CDH13: variants seen among roughly 807,000 people sequenced by gnomAD.
The protein encoded by CDH13 is cadherin-13.
Under a neutral mutation model 63.8 loss-of-function variants are expected in CDH13, and 24 were observed. The observed-to-expected ratio is 0.38, with a 90% CI of 0.27 to 0.53. The LOEUF is 0.53. Ranked by LOEUF, CDH13 falls within the 20% of genes least tolerant of loss-of-function variation. The pLI, the probability that CDH13 is intolerant of heterozygous loss-of-function variation, is 0.85. For synonymous variants in CDH13, 503 were observed against 355.3 expected (o/e 1.42, Z -4.67); for missense variants, 1,049 against 903.1 (o/e 1.16, Z -2.07).
In CDH13 at chr16:83,047,511, C is replaced by T. The variant is rs1043974695; in HGVS notation, c.366+15293C>T. ...AGGCCTTTGCGTAATATTTTCTCTG[C>T]ATGGAAGGGGAGGATAAGAAAGAAG... On this transcript the variant is annotated intron_variant, in intron 3 of 13. Transcript: ENST00000567109. The surrounding 1 kb of genome is among the most constrained non-coding windows in gnomAD (Gnocchi z 4.9). 6.6e-6 allele frequency among the ~76,000 whole-genome samples: 1 copy of T among 152,048 alleles called. No homozygotes were observed. Among genetic ancestry groups the T allele is most frequent in the African/African-American group, 2.4e-5 (1 of 41,372 alleles).
At chr16:82,911,769 C>A (rs950666576) in intron 2 of CDH13, among the ~76,000 whole-genome samples, 1 of 152,056 alleles carries the variant, frequency 6.6e-6, no homozygotes, top group African/African-American at 2.4e-5. Context: ...AGCCTAGGTC[C>A]CTCACACCTA....
intron 1 of CDH13, among the ~76,000 whole-genome samples, chr16:82,668,103 A>T (rs188858850): frequency 3.9e-5 from 6 of 152,254 alleles, no homozygotes; most frequent in African/African-American, 1.2e-4. Context: ...ATACCCTGCC[A>T]GGGAGACCTG....
intron 6 of CDH13, among the ~76,000 whole-genome samples, chr16:83,465,672 C>T (rs148914733): frequency 2.0e-5 from 3 of 152,208 alleles, no homozygotes; most frequent in African/African-American, 4.8e-5. Context: ...CAGACCTCCC[C>T]ATCAGCTCAG....
intron 5 of CDH13, among the ~76,000 whole-genome samples, chr16:83,247,606 C>T (rs913934311): frequency 6.6e-6 from 1 of 152,128 alleles, no homozygotes; most frequent in African/African-American, 2.4e-5. Context: ...ATTTATTTTC[C>T]ACTAGAATAC....
chr16:83,743,540 G>A (rs1400292172), intron 10 of CDH13, among the ~76,000 whole-genome samples: 1 of 152,182 alleles, frequency 6.6e-6, no homozygotes, highest in Non-Finnish European at 1.5e-5. Flanking sequence ...GACAGAGGGA[G>A]CATCAAAGAG....
intron 2 of CDH13, among the ~76,000 whole-genome samples, chr16:82,873,945 G>T (rs1173048582): frequency 6.6e-6 from 1 of 151,980 alleles, no homozygotes; most frequent in Non-Finnish European, 1.5e-5. Flanking sequence ...CTCATGCTTG[G>T]TCTCTTTGAG....
chr16:82,641,766 C>G (rs1385352548), intron 1 of CDH13, among the ~76,000 whole-genome samples: 5 of 152,180 alleles, frequency 3.3e-5, no homozygotes, highest in Non-Finnish European at 7.3e-5. Context: ...CAACACTTTT[C>G]TAGGCACTGG....
chr16:83,523,678 T>A (rs1451328921), intron 7 of CDH13, among the ~76,000 whole-genome samples: 7 of 152,206 alleles, frequency 4.6e-5, no homozygotes, highest in African/African-American at 1.7e-4. Context: ...GCTTGGGCTC[T>A]TCCTAGCGCT....
chr16:82,975,040 G>C (rs998952922), intron 2 of CDH13, among the ~76,000 whole-genome samples: 1 of 152,198 alleles, frequency 6.6e-6, no homozygotes, highest in Non-Finnish European at 1.5e-5. Flanking sequence ...CCTCACGTCT[G>C]CACACCCTCG....
intron 1 of CDH13, among the ~76,000 whole-genome samples, chr16:82,687,993 G>T (rs1915255104): frequency 6.6e-6 from 1 of 152,168 alleles, no homozygotes; most frequent in East Asian, 1.9e-4. Flanking sequence ...ATGAAACATG[G>T]CAGTGACAGA....
intron 9 of CDH13, among the ~76,000 whole-genome samples, chr16:83,675,235 C>T (rs6563964): frequency 6.6e-6 from 1 of 152,060 alleles, no homozygotes; most frequent in Non-Finnish European, 1.5e-5. Flanking sequence ...TACAGCACTC[C>T]GAGGGGATTA....
rs147558741 is a variant in CDH13, at chr16:83,231,320, G to T, written c.636+13823G>T. Among the ~76,000 whole-genome samples, 749 of 152,292 alleles carry T rather than the reference G, an allele frequency of 4.9e-3. 10 individuals carry two copies. The highest frequency in any genetic ancestry group is 0.017 in the African/African-American group (694 of 41,556). ...TCAGCTACTGAAAGAGCATCTGTGC[G>T]TTGGCAAATCTGCTAGGTTCAGGGC... On this transcript the variant is annotated intron_variant, in intron 5 of 13. Transcript: ENST00000567109.
chr16:83,255,047 G>A (rs1466581836), intron 5 of CDH13, among the ~76,000 whole-genome samples: 3 of 124,510 alleles, frequency 2.4e-5, no homozygotes, highest in Non-Finnish European at 3.5e-5. Context: ...CATGCATTTT[G>A]AAGCTTCTTT....
At chr16:83,524,554 G>A (rs933207589) in intron 7 of CDH13, among the ~76,000 whole-genome samples, 7 of 136,260 alleles carry the variant, frequency 5.1e-5, no homozygotes, top group South Asian at 2.5e-4. Flanking sequence ...CTGGGTTCAC[G>A]CCATTCTCCT....
At chr16:82,814,004 C>G (rs994755766) in intron 1 of CDH13, among the ~76,000 whole-genome samples, 4 of 152,120 alleles carry the variant, frequency 2.6e-5, no homozygotes, top group Non-Finnish European at 4.4e-5. Context: ...TATTCAAATA[C>G]CGGCTGCTGT....
chr16:83,735,179 C>A (rs993642455), intron 10 of CDH13: 1 of 152,178 alleles, frequency 6.6e-6, no homozygotes, highest in South Asian at 2.1e-4. Context: ...CAACATCCCA[C>A]GGCAGTACAT....
In CDH13 at chr16:82,644,665, G is replaced by T. The variant is rs1473661008; in HGVS notation, c.45+17528G>T. Among the ~76,000 whole-genome samples the T allele has an allele frequency of 6.6e-6, 1 of 152,168 alleles. No individual in the cohort carries two copies. Among genetic ancestry groups the T allele is most frequent in the Non-Finnish European group, 1.5e-5 (1 of 68,018 alleles). ...AACCACGCTTTGGGCTGGGGCAGAA[G>T]TCAGGACTTGAACTGGCTCTGGCTG... On this transcript the variant is annotated intron_variant, in intron 1 of 13. Transcript: ENST00000567109. The surrounding 1 kb of genome is among the most constrained non-coding windows in gnomAD (Gnocchi z 5.7).
At chr16:83,146,656 C>G (rs1051784105) in intron 4 of CDH13, among the ~76,000 whole-genome samples, 1 of 152,240 alleles carries the variant, frequency 6.6e-6, no homozygotes. Context: ...GCATCCCTAA[C>G]TGCAGCAGCA....
At chr16:83,492,792 C>T (rs996174375) in intron 7 of CDH13, among the ~76,000 whole-genome samples, 8 of 152,098 alleles carry the variant, frequency 5.3e-5, no homozygotes, top group African/African-American at 1.4e-4. Flanking sequence ...TATCTTGTGG[C>T]CTCATTTGCT....
Sources: gnomAD v4.1 joint callset for allele counts (sites outside exome capture counted in the v4.1 genomes callset) on GRCh38, gnomAD v4.1.1 for gene constraint, Gnocchi (gnomAD v3.1) non-coding constraint, MANE v1.5 for transcripts, NCBI Gene and HGNC (gene_info 2026-07-23, HGNC 2026-07-21) for gene names.